The following BANK1 variants were observed in gnomAD, a reference collection of about 807,000 sequenced individuals.
BANK1 encodes B-cell scaffold protein with ankyrin repeats.
In BANK1, 95 loss-of-function variants were observed where a neutral mutation model predicts 94.5. That is an observed-to-expected ratio of 1.00 (90% CI 0.85 to 1.19). The LOEUF (loss-of-function observed/expected upper bound fraction) is 1.19. Ranked by LOEUF, BANK1 falls within the 50% of genes most tolerant of loss-of-function variation. The probability of loss-of-function intolerance (pLI) is 0.00; values close to 1 mark genes in which losing one functional copy is unlikely to be tolerated. For synonymous variants in BANK1, 334 were observed against 308.4 expected (o/e 1.08, Z -0.87); for missense variants, 987 against 932.2 (o/e 1.06, Z -0.77).
chr4:102,007,108 TA>T (rs1222809371), intron 7 of BANK1, among the ~76,000 whole-genome samples: 1 of 58,128 alleles, frequency 1.7e-5, no homozygotes, highest in East Asian at 3.1e-4. Context: ...TTTATATATA[TA>T]TAAATATATA....
chr4:102,008,773 T>C (rs1578452302), intron 7 of BANK1, among the ~76,000 whole-genome samples: 1 of 152,202 alleles, frequency 6.6e-6, no homozygotes, highest in African/African-American at 2.4e-5. Flanking sequence ...GGTTATAACA[T>C]ATCTCCATTC....
intron 7 of BANK1, among the ~76,000 whole-genome samples, chr4:101,923,087 A>G (rs1560634757): frequency 6.6e-6 from 1 of 151,872 alleles, no homozygotes; most frequent in Non-Finnish European, 1.5e-5. Context: ...GGAAAAAATA[A>G]TTCCTCATAG....
chr4:101,905,445 G>A (rs993973555), intron 6 of BANK1, among the ~76,000 whole-genome samples: 1 of 152,150 alleles, frequency 6.6e-6, no homozygotes, highest in Non-Finnish European at 1.5e-5. Context: ...CCGAAATCGG[G>A]TTCCCATCTT....
chr4:101,890,719 ATT>A (rs139113467), intron 5 of BANK1, among the ~76,000 whole-genome samples: 1 of 140,182 alleles, frequency 7.1e-6, no homozygotes, highest in African/African-American at 2.6e-5. Context: ...TTCATTTGTT[ATT>A]TTTTTTTTCT....
At chr4:102,030,951 A>T (rs557381959) in intron 10 of BANK1, among the ~76,000 whole-genome samples, 8 of 152,178 alleles carry the variant, frequency 5.3e-5, no homozygotes, top group Non-Finnish European at 1.0e-4. Flanking sequence ...TTGGGTATAT[A>T]CCCAGTAATG....
intron 1 of BANK1, among the ~76,000 whole-genome samples, chr4:101,811,458 T>A (rs1725728449): frequency 6.6e-6 from 1 of 152,126 alleles, no homozygotes; most frequent in Non-Finnish European, 1.5e-5. Context: ...CTAGAATATT[T>A]GAGGAATAAA....
At chr4:102,042,025 GAATTT>G in intron 10 of BANK1, among the ~76,000 whole-genome samples, 1 of 152,028 alleles carries the variant, frequency 6.6e-6, no homozygotes, top group Middle Eastern at 3.4e-3. Flanking sequence ...TTTATTTGAA[GAATTT>G]ATTATCTGAA....
At chr4:101,876,752 A>G (rs78980234) in intron 5 of BANK1, among the ~76,000 whole-genome samples, 2 of 152,224 alleles carry the variant, frequency 1.3e-5, no homozygotes, top group African/African-American at 2.4e-5. Flanking sequence ...GTGACCTTTC[A>G]AAGAACTCAA....
chr4:101,794,753 C>A (rs964650454), intron 1 of BANK1, among the ~76,000 whole-genome samples: 1 of 152,088 alleles, frequency 6.6e-6, no homozygotes, highest in South Asian at 2.1e-4. Context: ...GAATTGAAAT[C>A]TCTTTGTTGT....
At chr4:101,809,825 C>T (rs1334494597) in intron 1 of BANK1, among the ~76,000 whole-genome samples, 3 of 152,190 alleles carry the variant, frequency 2.0e-5, no homozygotes, top group African/African-American at 7.2e-5. Context: ...GGAACTATAG[C>T]TGAAAGCAGT....
chr4:102,005,866 T>A (rs1305798725), intron 7 of BANK1, among the ~76,000 whole-genome samples: 1 of 152,042 alleles, frequency 6.6e-6, no homozygotes, highest in Non-Finnish European at 1.5e-5. Flanking sequence ...TGTCAGGAAT[T>A]AAACTTGGCT....
At chr4:101,953,923 C>G (rs930788181) in intron 7 of BANK1, among the ~76,000 whole-genome samples, 1 of 152,146 alleles carries the variant, frequency 6.6e-6, no homozygotes, top group African/African-American at 2.4e-5. Flanking sequence ...TTACCACAAA[C>G]TGGGTAGCTA....
intron 2 of BANK1, among the ~76,000 whole-genome samples, chr4:101,836,557 C>T (rs1726837343): frequency 6.6e-6 from 1 of 152,112 alleles, no homozygotes; most frequent in Admixed American, 6.6e-5. Context: ...AAAAAAACCC[C>T]ACAAACCTAG....
At chr4:102,008,454 CAT>C (rs1282255569) in intron 7 of BANK1, among the ~76,000 whole-genome samples, 1 of 152,190 alleles carries the variant, frequency 6.6e-6, no homozygotes, top group Non-Finnish European at 1.5e-5. Flanking sequence ...CTGCATAGCA[CAT>C]ATATCTTAGA....
chr4:101,884,187 C>T (rs1264221279), intron 5 of BANK1, among the ~76,000 whole-genome samples: 1 of 152,236 alleles, frequency 6.6e-6, no homozygotes, highest in Middle Eastern at 3.4e-3. Flanking sequence ...ATAGTTCAGC[C>T]ATTTAATTTT....
chr4:101,832,217 G>A (rs1726649625), intron 2 of BANK1, among the ~76,000 whole-genome samples: 1 of 152,208 alleles, frequency 6.6e-6, no homozygotes. Flanking sequence ...CTGACTAAAG[G>A]ATTCTTCATT....
chr4:101,878,049 G>C (rs1728553227), intron 5 of BANK1, among the ~76,000 whole-genome samples: 1 of 151,760 alleles, frequency 6.6e-6, no homozygotes. Context: ...GGACAAAAAG[G>C]CCACAAAACA....
chr4:101,849,248 C>T (rs41387952), intron 2 of BANK1, among the ~76,000 whole-genome samples: 2,485 of 152,250 alleles, frequency 0.016, 38 homozygotes, highest in Non-Finnish European at 0.028. Flanking sequence ...GAAGTATGTT[C>T]AGTTGATATA....
At chr4:101,892,521 GTATATGTATATATA>G (rs895002358) in intron 5 of BANK1, among the ~76,000 whole-genome samples, 131 of 146,364 alleles carry the variant, frequency 9.0e-4, no homozygotes, top group Admixed American at 8.2e-3. Context: ...ATGTATGCAT[GTATATGTATATATA>G]TATATGTATA....
Sources: gnomAD v4.1 joint callset for allele counts (sites outside exome capture counted in the v4.1 genomes callset) on GRCh38, gnomAD v4.1.1 for gene constraint, MANE v1.5 for transcripts, NCBI Gene and HGNC (gene_info 2026-07-23, HGNC 2026-07-21) for gene names.